The following TRIM4 variants were observed in gnomAD, a reference collection of about 807,000 sequenced individuals.
TRIM4 encodes E3 ubiquitin-protein ligase TRIM4.
In TRIM4, 29 loss-of-function variants were observed where a neutral mutation model predicts 33.7. The observed-to-expected ratio is 0.86, with a 90% confidence interval of 0.64 to 1.17. The LOEUF (loss-of-function observed/expected upper bound fraction) is 1.17. Ranked by LOEUF, TRIM4 falls within the 50% of genes most tolerant of loss-of-function variation. The probability of loss-of-function intolerance (pLI) is 0.00; values close to 1 mark genes in which losing one functional copy is unlikely to be tolerated. For synonymous variants in TRIM4, 224 were observed against 233.0 expected (o/e 0.96, Z 0.35); for missense variants, 554 against 593.7 (o/e 0.93, Z 0.69).
intron 4 of TRIM4, 55 bp from the exon 5 acceptor site, chr7:99,903,370 C>CA (rs1271436377): frequency 7.0e-7 from 1 of 1,429,952 alleles, no homozygotes; most frequent in Non-Finnish European, 9.7e-7. Flanking sequence ...CCAAGACCTC[C>CA]ACTCCCGGTC....
Position 99,892,088 on chromosome 7 carries a change from G to A in TRIM4, c.*75C>T. 7.7e-7 allele frequency: 1 copy of A among 1,303,866 alleles called. No homozygotes were observed. The highest frequency in any genetic ancestry group is 1.0e-6 in the Non-Finnish European group (1 of 953,742). The allele number at this position is 1,303,866 out of a possible 1,614,324, so 80.8% of individuals were successfully genotyped here. A position where few individuals can be genotyped will look rare whatever the true frequency, so the allele number is the denominator to read the frequency against. ...ACCATCCAGGATAGAGACATGAAGG[G>A]CAGAAGAGGGCCCAGGGATGTGTGT... On this transcript the variant is annotated 3_prime_UTR_variant, in exon 6 of 6. Coordinates refer to ENST00000349062, the MANE Select transcript of TRIM4 (RefSeq NM_033091.3).
rs912351646 is a variant in TRIM4 at position 99,907,156 on chromosome 7, C to T, written c.720+1426G>A. On this transcript the variant is annotated intron_variant, in intron 3 of 5. Transcript: ENST00000349062. ...TTTTTGGTATGGAGTCTTGCTCTGT[C>T]GCCCAGGCTGGAGTGCAGTGGCACA... 3.9e-5 allele frequency among the ~76,000 whole-genome samples: 6 copies of T among 152,108 alleles called. No individual in the cohort carries two copies. In the South Asian group the frequency reaches 6.2e-4, roughly 16 times the overall value.
chr7:99,902,081 G>A (rs756984489), intron 5 of TRIM4: 2 of 764,456 alleles, frequency 2.6e-6, no homozygotes, highest in Admixed American at 3.4e-5. Flanking sequence ...CATTTCTCAG[G>A]AATCACCGTC....
chr7:99,910,220 G>T (rs1010856262), intron 1 of TRIM4, among the ~76,000 whole-genome samples: 5 of 152,130 alleles, frequency 3.3e-5, no homozygotes, highest in Admixed American at 3.3e-4. Flanking sequence ...ATCTACTACT[G>T]GCAGAGAGAA....
intron 5 of TRIM4, chr7:99,901,840 G>A (rs1220323316): frequency 2.2e-6 from 1 of 461,146 alleles, no homozygotes; most frequent in East Asian, 3.6e-5. Context: ...CAAACAACTA[G>A]GAAGCTCCTC....
In TRIM4 at chr7:99,919,024, G is replaced by T. The variant is rs1419057203; in HGVS notation, c.378C>A (p.Ala126=). The change falls in exon 1 of 6, where the codon GCC becomes GCA. Residue 126 remains alanine (A), a synonymous_variant. Coordinates refer to ENST00000349062, the MANE Select transcript of TRIM4 (RefSeq NM_033091.3). Reference sequence around the variant, plus strand: ...GCCAGCTCACCCGGTAGCTCTCGAAGGCCTCGTCGATGGGTGCCATGGCGT... The same window carrying T: ...GCCAGCTCACCCGGTAGCTCTCGAATGCCTCGTCGATGGGTGCCATGGCGT... ...QTHAMAPIDE[A]FESYREKLLK... 2.5e-6 allele frequency: 4 copies of T among 1,590,658 alleles called. No individual in the cohort carries two copies. The highest frequency in any genetic ancestry group is 3.4e-6 in the Non-Finnish European group (4 of 1,170,672).
At chr7:99,908,492 A>G in intron 3 of TRIM4, 90 bp downstream of exon 3, 1 of 1,029,624 alleles carries the variant, frequency 9.7e-7, no homozygotes, top group Non-Finnish European at 1.4e-6. Context: ...TGTCTATGAA[A>G]CCCACTCACC....
chr7:99,900,584 T>C (rs1819140625), intron 5 of TRIM4, among the ~76,000 whole-genome samples: 2 of 152,238 alleles, frequency 1.3e-5, no homozygotes, highest in South Asian at 4.1e-4. Context: ...ATCTGGCATT[T>C]TCCTTCTGTC....
At chr7:99,894,904 T>A (rs969133116) in intron 5 of TRIM4, among the ~76,000 whole-genome samples, 19 of 152,214 alleles carry the variant, frequency 1.2e-4, no homozygotes, top group African/African-American at 4.6e-4. Flanking sequence ...ATCTGCAGAA[T>A]CTGTAATGAT....
chr7:99,914,601 G>T (rs2527909), intron 1 of TRIM4, among the ~76,000 whole-genome samples: 97,028 of 151,844 alleles, frequency 0.64, 32,664 homozygotes, highest in African/African-American at 0.85. Flanking sequence ...GTTTCACATC[G>T]CATGCCACCT....
At chr7:99,899,573 C>G (rs1455813873) in intron 5 of TRIM4, among the ~76,000 whole-genome samples, 1 of 152,196 alleles carries the variant, frequency 6.6e-6, no homozygotes, top group Non-Finnish European at 1.5e-5. Context: ...CACATGAGAA[C>G]TGTATCATAG....
Position 99,903,249 on chromosome 7 carries a change from T to C in TRIM4, c.810A>G (p.Pro270=), listed in dbSNP as rs751377646. 1.2e-6 allele frequency: 2 copies of C among 1,613,242 alleles called. No homozygotes were observed. The highest frequency in any genetic ancestry group is 2.2e-5 in the South Asian group (2 of 91,026). Residue 270 remains proline, a synonymous_variant, in exon 5 of 6, where the codon CCA becomes CCG. Coordinates refer to ENST00000349062, the MANE Select transcript of TRIM4 (RefSeq NM_033091.3). Reference sequence around the variant, plus strand: ...ATCGCTTTAGCATTTCCTTCATCAATGGTATCTGGCACACTGTCTTCACCT... The same window carrying C: ...ATCGCTTTAGCATTTCCTTCATCAACGGTATCTGGCACACTGTCTTCACCT... ...AVKVKTVCQI[P]LMKEMLKRFQ...
At chr7:99,914,082 A>C (rs1245146664) in intron 1 of TRIM4, among the ~76,000 whole-genome samples, 1 of 152,204 alleles carries the variant, frequency 6.6e-6, no homozygotes, top group East Asian at 1.9e-4. Flanking sequence ...ATCTACCTAC[A>C]TGCCAAACCC....
Position 99,892,080 on chromosome 7 carries a change from C to T in TRIM4, c.*83G>A. ...GAAGATGGACCATCCAGGATAGAGACATGAAGGGCAGAAGAGGGCCCAGGG... is the reference window on the plus strand; with the variant it reads ...GAAGATGGACCATCCAGGATAGAGATATGAAGGGCAGAAGAGGGCCCAGGG... On this transcript the variant is annotated 3_prime_UTR_variant, in exon 6 of 6. Coordinates refer to ENST00000349062, the MANE Select transcript of TRIM4 (RefSeq NM_033091.3). 3 of 1,228,566 alleles carry T rather than the reference C, an allele frequency of 2.4e-6. No homozygotes were observed. Among genetic ancestry groups the T allele is most frequent in the Non-Finnish European group, 3.4e-6 (3 of 889,908 alleles). The allele number at this position is 1,228,566 out of a possible 1,614,324, so 76.1% of individuals were successfully genotyped here. A position where few individuals can be genotyped will look rare whatever the true frequency, so the allele number is the denominator to read the frequency against.
In TRIM4 at chr7:99,908,728, G is replaced by T. The variant is rs754233219; in HGVS notation, c.574C>A (p.Leu192Ile). 6.2e-7 allele frequency: 1 copy of T among 1,614,134 alleles called. No individual in the cohort carries two copies. The highest frequency in any genetic ancestry group is 1.1e-5 in the South Asian group (1 of 91,086). The stretch of plus-strand genomic sequence containing the variant: ...TCTTCTTCTTTGTTCAATCTCTGAA[G>T]AAACAGGTCCTCTTCTTCAACCAGG... ...NFLVEEEDLF[L>I]QRLNKEEEET... Residue 192 changes from leucine to isoleucine, a missense_variant, in exon 3 of 6, where the codon CTT becomes ATT. Coordinates refer to ENST00000349062, the MANE Select transcript of TRIM4 (RefSeq NM_033091.3).
chr7:99,906,117 C>A lies in TRIM4; in HGVS notation c.720+2465G>T, dbSNP rs572746514. Among the ~76,000 whole-genome samples the A allele has an allele frequency of 4.6e-5, 7 of 152,028 alleles. No homozygotes were observed. In the East Asian group the frequency reaches 1.4e-3, roughly 29 times the overall value. ...CCAAGATCGCTCCACTGCACTCCAG[C>A]CTCGGCCACACAGCAAGACTCCATC... On this transcript the variant is annotated intron_variant, in intron 3 of 5. Coordinates refer to ENST00000349062, the MANE Select transcript of TRIM4 (RefSeq NM_033091.3).
intron 5 of TRIM4, 26 bp downstream of exon 5, chr7:99,903,192 C>T (rs937235750): frequency 1.9e-6 from 3 of 1,545,804 alleles, no homozygotes; most frequent in Admixed American, 3.5e-5. Context: ...TTCTAAGGAG[C>T]CCCAAGTCCT....
At chr7:99,918,988 T>C in intron 1 of TRIM4, 21 bp downstream of exon 1, 1 of 1,578,928 alleles carries the variant, frequency 6.3e-7, no homozygotes, top group East Asian at 2.4e-5. Flanking sequence ...CCCGTCATAG[T>C]CACCGCGACG....
rs777225196 is a variant in TRIM4 at position 99,903,575 on chromosome 7, C to T, written c.743+1G>A. 1 of 1,614,208 alleles carries T rather than the reference C, an allele frequency of 6.2e-7. No homozygotes were observed. The highest frequency in any genetic ancestry group is 1.1e-5 in the South Asian group (1 of 91,076). The stretch of plus-strand genomic sequence containing the variant: ...CCCCATAAGAGAACAGGAGTGCATA[C>T]CTGGTCAACACTTCTTTTGGATTCT... On this transcript the variant is annotated splice_donor_variant, in intron 4 of 5. Coordinates refer to ENST00000349062, the MANE Select transcript of TRIM4 (RefSeq NM_033091.3). LOFTEE classifies it high-confidence loss of function.
Sources: allele counts gnomAD v4.1 joint callset (sites outside exome capture counted in the v4.1 genomes callset), GRCh38; gene constraint gnomAD v4.1.1; transcripts MANE v1.5; gene names NCBI Gene and HGNC (gene_info 2026-07-23, HGNC 2026-07-21).